AKAP6: variants seen among roughly 807,000 people sequenced by gnomAD.
The protein encoded by AKAP6 is A-kinase anchor protein 6.
Under a neutral mutation model 188.5 loss-of-function variants are expected in AKAP6, and 58 were observed. The observed-to-expected ratio is 0.31, with a 90% CI of 0.25 to 0.38. AKAP6 has a LOEUF of 0.38. Ranked by LOEUF, AKAP6 falls within the 10% of genes least tolerant of loss-of-function variation. The pLI is 1.00. For missense variants in AKAP6, 2,710 were observed against 2,740.0 expected, an observed-to-expected ratio of 0.99 and a Z score of 0.24; for synonymous variants, 989 against 998.6, an observed-to-expected ratio of 0.99 and a Z score of 0.18.
At chr14:32,569,516 G>C (rs1884370525) in intron 4 of AKAP6, among the ~76,000 whole-genome samples, 1 of 152,132 alleles carries the variant, frequency 6.6e-6, no homozygotes, top group Admixed American at 6.5e-5. Flanking sequence ...CTAGCACTTT[G>C]TCTTGAGCCC....
At position 32,647,153 on chromosome 14, in the gene AKAP6, C is replaced by T. The variant is rs149925294; in HGVS notation, c.2731-31158C>T. ...AGGAATAGTAGGTATTATGAAAAACCGTGCTTCATATATTATTATAAAAAT... is the reference window on the plus strand; with the variant it reads ...AGGAATAGTAGGTATTATGAAAAACTGTGCTTCATATATTATTATAAAAAT... On this transcript the variant is annotated intron_variant, in intron 7 of 13. Transcript: ENST00000280979. 3.7e-3 allele frequency among the ~76,000 whole-genome samples: 564 copies of T among 152,100 alleles called. 2 individuals are homozygous for T. Among genetic ancestry groups the T allele is most frequent in the African/African-American group, 0.013 (527 of 41,522 alleles).
intron 1 of AKAP6, among the ~76,000 whole-genome samples, chr14:32,364,798 A>G (rs1445116798): frequency 1.3e-5 from 2 of 152,148 alleles, no homozygotes; most frequent in East Asian, 3.8e-4. Context: ...TTAGATGACA[A>G]TTGACAACAT....
chr14:32,632,546 T>C lies in AKAP6; in HGVS notation c.2730+31754T>C, dbSNP rs191072045. On this transcript the variant is annotated intron_variant, in intron 7 of 13. Transcript: ENST00000280979. ...GAGAATGTTCTAGTATCAGCAAACTTTATGCTCAGAGGAAATGATAAATTT... is the reference window on the plus strand; with the variant it reads ...GAGAATGTTCTAGTATCAGCAAACTCTATGCTCAGAGGAAATGATAAATTT... Among the ~76,000 whole-genome samples, 871 of 152,190 alleles carry C rather than the reference T, an allele frequency of 5.7e-3. 14 individuals are homozygous for C. Among genetic ancestry groups the C allele is most frequent in the African/African-American group, 0.02 (847 of 41,556 alleles).
chr14:32,556,254 T>C (rs1001343023), intron 4 of AKAP6, among the ~76,000 whole-genome samples: 2 of 152,234 alleles, frequency 1.3e-5, no homozygotes, highest in African/African-American at 4.8e-5. Context: ...TTGTATATCA[T>C]CTTTGGAGAA....
intron 1 of AKAP6, among the ~76,000 whole-genome samples, chr14:32,425,069 TGACTTC>T (rs775310215): frequency 2.0e-5 from 3 of 152,202 alleles, no homozygotes; most frequent in African/African-American, 4.8e-5. Flanking sequence ...ATCACCACAT[TGACTTC>T]CTCTATGGCT....
At chr14:32,390,262 T>A (rs1271545683) in intron 1 of AKAP6, among the ~76,000 whole-genome samples, 2 of 152,158 alleles carry the variant, frequency 1.3e-5, no homozygotes, top group Non-Finnish European at 2.9e-5. Flanking sequence ...CTTGCAGCAT[T>A]TTTTGGATTT....
chr14:32,573,818 G>A (rs2139253093), intron 4 of AKAP6, among the ~76,000 whole-genome samples: 1 of 152,266 alleles, frequency 6.6e-6, no homozygotes, highest in South Asian at 2.1e-4. Flanking sequence ...TGGGCATCAA[G>A]TATTTGTTGT....
At chr14:32,366,910 A>G (rs1186702403) in intron 1 of AKAP6, among the ~76,000 whole-genome samples, 1 of 152,188 alleles carries the variant, frequency 6.6e-6, no homozygotes, top group Non-Finnish European at 1.5e-5. Context: ...CTGGGGGGAA[A>G]TAAGTTCCAG....
intron 5 of AKAP6, among the ~76,000 whole-genome samples, chr14:32,598,155 A>G (rs1464635592): frequency 6.6e-6 from 1 of 152,230 alleles, no homozygotes; most frequent in East Asian, 1.9e-4. Context: ...TCTTTAACGC[A>G]AAATTATATT....
chr14:32,706,949 C>G (rs1415574938), intron 9 of AKAP6, among the ~76,000 whole-genome samples: 1 of 152,104 alleles, frequency 6.6e-6, no homozygotes, highest in Non-Finnish European at 1.5e-5. Flanking sequence ...TAGCTATACC[C>G]TACTGAAACT....
At position 32,444,690 on chromosome 14, in the gene AKAP6, G is replaced by A. The variant is rs138366539; in HGVS notation, c.324+10873G>A. Among the ~76,000 whole-genome samples the A allele has an allele frequency of 1.9e-4, 29 of 152,344 alleles. 1 individual carries two copies. Among genetic ancestry groups the A allele is most frequent in the Middle Eastern group, 3.4e-3 (1 of 294 alleles). On this transcript the variant is annotated intron_variant, in intron 2 of 13. Transcript: ENST00000280979. ...AATTATAAGGTCTACTGGAGAATGA[G>A]TTCAGAAGTCTGACAAACTGGCCTT...
chr14:32,448,745 C>T (rs899320928), intron 2 of AKAP6, among the ~76,000 whole-genome samples: 2 of 152,126 alleles, frequency 1.3e-5, no homozygotes, highest in African/African-American at 2.4e-5. Context: ...ATGGGGGACT[C>T]CAAGTTAATA....
rs369391066 is a variant in AKAP6, at chr14:32,773,688, G to A, written c.3383G>A (p.Arg1128His). ...CTCTCTATGTTGCAGTCCCTCTGTCGTGAAATCAAGCAACGACGTCGAGGA... is the reference window on the plus strand; with the variant it reads ...CTCTCTATGTTGCAGTCCCTCTGTCATGAAATCAAGCAACGACGTCGAGGA... ...KQLQYFKSLC[R>H]EIKQRRRGVA... is the part of the protein sequence containing the mutation. The change falls in exon 12 of 14, where the codon CGT becomes CAT. Residue 1128 changes from arginine (R) to histidine (H), a missense_variant. Coordinates refer to ENST00000280979, the MANE Select transcript of AKAP6 (RefSeq NM_004274.5). 1.1e-4 allele frequency: 181 copies of A among 1,613,780 alleles called. No homozygotes were observed. Among genetic ancestry groups the A allele is most frequent in the Non-Finnish European group, 1.4e-4 (169 of 1,179,876 alleles).
intron 1 of AKAP6, among the ~76,000 whole-genome samples, chr14:32,408,730 A>G (rs1889377686): frequency 6.6e-6 from 1 of 151,826 alleles, no homozygotes; most frequent in Non-Finnish European, 1.5e-5. Flanking sequence ...TGTGTAGGGA[A>G]GGTAGATGAT....
chr14:32,517,726 C>T (rs183309742), intron 2 of AKAP6, among the ~76,000 whole-genome samples: 1 of 152,344 alleles, frequency 6.6e-6, no homozygotes, highest in African/African-American at 2.4e-5. Context: ...CCCACTGCAG[C>T]TCAAGGAGGC....
intron 5 of AKAP6, among the ~76,000 whole-genome samples, chr14:32,591,824 G>A (rs1019319742): frequency 7.9e-5 from 12 of 152,152 alleles, no homozygotes; most frequent in African/African-American, 2.9e-4. Context: ...GACAAATGTA[G>A]CCACTTCATT....
At chr14:32,435,571 C>T (rs1890352260) in intron 2 of AKAP6, among the ~76,000 whole-genome samples, 1 of 152,226 alleles carries the variant, frequency 6.6e-6, no homozygotes, top group South Asian at 2.1e-4. Context: ...TTCACACCCA[C>T]CTCCATCAGC....
intron 8 of AKAP6, among the ~76,000 whole-genome samples, chr14:32,681,376 G>C (rs1889669069): frequency 6.6e-6 from 1 of 152,258 alleles, no homozygotes; most frequent in East Asian, 1.9e-4. Flanking sequence ...GGCAAAGATA[G>C]AAAGTTTAAA....
chr14:32,741,496 C>T (rs573769136), intron 11 of AKAP6, among the ~76,000 whole-genome samples: 6 of 151,924 alleles, frequency 3.9e-5, no homozygotes, highest in Admixed American at 2.6e-4. Context: ...ACCTGTGGCT[C>T]GGTCGTATAT....
Sources: gnomAD v4.1 joint callset for allele counts (sites outside exome capture counted in the v4.1 genomes callset) on GRCh38, gnomAD v4.1.1 for gene constraint, MANE v1.5 for transcripts, NCBI Gene and HGNC (gene_info 2026-07-23, HGNC 2026-07-21) for gene names.